Variants in ENTPD7 observed in about 807,000 individuals in gnomAD.
The protein encoded by ENTPD7 is NTPDase 7.
A neutral mutation model predicts 77.9 loss-of-function variants in ENTPD7; 53 were observed. The observed-to-expected ratio is 0.68, with a 90% CI of 0.55 to 0.85. The LOEUF (loss-of-function observed/expected upper bound fraction) is 0.85, where lower values mean the gene tolerates loss of function less well. ENTPD7 is among the 40% of genes least tolerant of loss of function. The probability of loss-of-function intolerance (pLI) is 0.00; values close to 1 mark genes in which losing one functional copy is unlikely to be tolerated. For synonymous variants in ENTPD7, 248 were observed against 274.9 expected (o/e 0.90, Z 0.97); for missense variants, 636 against 743.7 (o/e 0.86, Z 1.68).
intron 3 of ENTPD7, among the ~76,000 whole-genome samples, chr10:99,671,080 A>G (rs1366331702): frequency 1.3e-5 from 2 of 152,144 alleles, no homozygotes; most frequent in East Asian, 1.9e-4. Flanking sequence ...CTTACCATCA[A>G]TGGAGCTCAC....
At chr10:99,675,915 C>T (rs964774986) in intron 3 of ENTPD7, among the ~76,000 whole-genome samples, 11 of 152,044 alleles carry the variant, frequency 7.2e-5, no homozygotes, top group Admixed American at 1.3e-4. Context: ...CTTTAAGAAA[C>T]GCTACTTGTT....
At chr10:99,669,783 T>C (rs187698327) in intron 3 of ENTPD7, among the ~76,000 whole-genome samples, 2,422 of 127,378 alleles carry the variant, frequency 0.019, 59 homozygotes, top group African/African-American at 0.066. Context: ...AGAGTCTTGC[T>C]CTGTCGTCCA....
intron 9 of ENTPD7, among the ~76,000 whole-genome samples, 179 bp from the exon 10 acceptor site, chr10:99,698,355 T>TG (rs1452500344): frequency 6.6e-6 from 1 of 152,238 alleles, no homozygotes; most frequent in Non-Finnish European, 1.5e-5. Flanking sequence ...CTCTTTTTTT[T>TG]CTAAATTTAA....
At chr10:99,699,687 C>T (rs1249207140) in intron 10 of ENTPD7, among the ~76,000 whole-genome samples, 1 of 152,140 alleles carries the variant, frequency 6.6e-6, no homozygotes, top group Non-Finnish European at 1.5e-5. Context: ...GCCTCAGCCT[C>T]CCGAGTAGCT....
At chr10:99,666,790 G>C (rs1356655379) in intron 3 of ENTPD7, among the ~76,000 whole-genome samples, 1 of 152,162 alleles carries the variant, frequency 6.6e-6, no homozygotes, top group Non-Finnish European at 1.5e-5. Context: ...ATAAAGTATT[G>C]AATATCTCAT....
chr10:99,666,944 G>A (rs79286351), intron 3 of ENTPD7, among the ~76,000 whole-genome samples: 1 of 152,210 alleles, frequency 6.6e-6, no homozygotes, highest in African/African-American at 2.4e-5. Flanking sequence ...GTCAATGACT[G>A]TACCTCAATA....
chr10:99,666,293 C>T (rs1590037174), intron 3 of ENTPD7, among the ~76,000 whole-genome samples: 1 of 152,134 alleles, frequency 6.6e-6, no homozygotes, highest in South Asian at 2.1e-4. Flanking sequence ...CTACAACCTC[C>T]GCCTCCCAGG....
chr10:99,708,811 A>T lies in ENTPD7; in HGVS notation c.*4128A>T. The stretch of plus-strand genomic sequence containing the variant: ...TTGTAATATGTGCAAAGTCATAGTG[A>T]CTGGCCTCCTAGCCCAACTACTTTG... On this transcript the variant is annotated 3_prime_UTR_variant, in exon 13 of 13. Coordinates refer to ENST00000370489, the MANE Select transcript of ENTPD7 (RefSeq NM_020354.5). 1 of 985,316 alleles carries T rather than the reference A, an allele frequency of 1.0e-6. No individual in the cohort carries two copies. Among genetic ancestry groups the T allele is most frequent in the Non-Finnish European group, 1.2e-6 (1 of 829,826 alleles). The allele number at this position is 985,316 out of a possible 1,614,324, so 61.0% of individuals were successfully genotyped here. A position where few individuals can be genotyped will look rare whatever the true frequency, so the allele number is the denominator to read the frequency against.
chr10:99,709,217 G>A lies in ENTPD7; in HGVS notation c.*4534G>A. The A allele has an allele frequency of 1.0e-6, 1 of 985,304 alleles. No individual in the cohort carries two copies. The highest frequency in any genetic ancestry group is 4.7e-5 in the South Asian group (1 of 21,278). The allele number at this position is 985,304 out of a possible 1,614,324, so 61.0% of individuals were successfully genotyped here. ...TAAAGAACTTCGTTGTAATTCTTGGGCAGTTTCCAGACTCTGTTACAGAAA... is the reference window on the plus strand; with the variant it reads ...TAAAGAACTTCGTTGTAATTCTTGGACAGTTTCCAGACTCTGTTACAGAAA... On this transcript the variant is annotated 3_prime_UTR_variant, in exon 13 of 13. Coordinates refer to ENST00000370489, the MANE Select transcript of ENTPD7 (RefSeq NM_020354.5).
intron 8 of ENTPD7, among the ~76,000 whole-genome samples, chr10:99,692,980 G>A (rs2035909268): frequency 6.6e-6 from 1 of 152,154 alleles, no homozygotes; most frequent in Non-Finnish European, 1.5e-5. Flanking sequence ...AAGTAATAAA[G>A]GGCTGAGTTA....
At chr10:99,700,845 C>G in intron 10 of ENTPD7, 128 bp from the exon 11 acceptor site, 1 of 764,502 alleles carries the variant, frequency 1.3e-6, no homozygotes, top group South Asian at 1.6e-5. Context: ...ATGAACACAC[C>G]ATTTCTGTTT....
intron 7 of ENTPD7, among the ~76,000 whole-genome samples, 157 bp from the exon 8 acceptor site, chr10:99,691,228 A>G (rs2035878780): frequency 1.3e-5 from 2 of 152,104 alleles, no homozygotes; most frequent in South Asian, 4.1e-4. Context: ...CTCGGCTCAC[A>G]TAATCCTCCC....
intron 2 of ENTPD7, 199 bp downstream of exon 2, chr10:99,660,163 A>G (rs2035459993): frequency 3.6e-6 from 2 of 560,102 alleles, no homozygotes; most frequent in South Asian, 7.8e-5. Flanking sequence ...CCCATAGACC[A>G]GGAGTGGTAG....
rs1314447142 is a variant in ENTPD7, at chr10:99,708,201, G to T, written c.*3518G>T. 1.3e-5 allele frequency among the ~76,000 whole-genome samples: 2 copies of T among 151,434 alleles called. No homozygotes were observed. Among genetic ancestry groups the T allele is most frequent in the East Asian group, 3.9e-4 (2 of 5,158 alleles). Reference sequence around the variant, plus strand: ...TCCTAAGAGATTCCTTTAACTTCAAGATCATATCCAGTGATTGCTGAAAAA... The same window carrying T: ...TCCTAAGAGATTCCTTTAACTTCAATATCATATCCAGTGATTGCTGAAAAA... On this transcript the variant is annotated 3_prime_UTR_variant, in exon 13 of 13. Coordinates refer to ENST00000370489, the MANE Select transcript of ENTPD7 (RefSeq NM_020354.5).
At position 99,710,387 on chromosome 10, in the gene ENTPD7, T is replaced by C; in HGVS notation, c.*5704T>C. The C allele has an allele frequency of 1.0e-6, 1 of 985,434 alleles. No homozygotes were observed. The highest frequency in any genetic ancestry group is 1.2e-6 in the Non-Finnish European group (1 of 829,932). The allele number at this position is 985,434 out of a possible 1,614,324, so 61.0% of individuals were successfully genotyped here. A position where few individuals can be genotyped will look rare whatever the true frequency, so the allele number is the denominator to read the frequency against. ...AAGTACATGCCATGTACTCCCCCTT[T>C]ATTTCTACCTTGATCAATGGCCTCT... On this transcript the variant is annotated 3_prime_UTR_variant, in exon 13 of 13. Transcript: ENST00000370489.
intron 5 of ENTPD7, among the ~76,000 whole-genome samples, chr10:99,684,173 A>G (rs2035784637): frequency 6.6e-6 from 1 of 152,086 alleles, no homozygotes; most frequent in Non-Finnish European, 1.5e-5. Flanking sequence ...CTCCTGCCTC[A>G]GCCTCCCGAG....
intron 10 of ENTPD7, among the ~76,000 whole-genome samples, chr10:99,700,610 G>A (rs2036101099): frequency 6.6e-6 from 1 of 152,152 alleles, no homozygotes. Context: ...AACACCGAGG[G>A]AGGCCAATGA....
intron 5 of ENTPD7, among the ~76,000 whole-genome samples, chr10:99,681,953 C>T (rs528607382): frequency 1.9e-4 from 29 of 152,156 alleles, no homozygotes; most frequent in African/African-American, 6.3e-4. Context: ...AGGTATAGTT[C>T]GCAAATATTT....
intron 11 of ENTPD7, among the ~76,000 whole-genome samples, chr10:99,702,093 T>C (rs1251205218): frequency 1.3e-5 from 2 of 152,044 alleles, no homozygotes; most frequent in African/African-American, 2.4e-5. Flanking sequence ...ACTAGAATAG[T>C]GTAATCAACT....
Sources: gnomAD v4.1 joint callset for allele counts (sites outside exome capture counted in the v4.1 genomes callset) on GRCh38, gnomAD v4.1.1 for gene constraint, MANE v1.5 for transcripts, NCBI Gene and HGNC (gene_info 2026-07-23, HGNC 2026-07-21) for gene names.